The following XPR1 variants were observed in gnomAD, a reference collection of about 807,000 sequenced individuals.
XPR1 encodes solute carrier family 53 member 1.
XPR1 carries 28 observed loss-of-function variants against 87.5 expected under a neutral mutation model. The observed-to-expected ratio is 0.32, with a 90% CI of 0.24 to 0.44. The LOEUF (loss-of-function observed/expected upper bound fraction) is 0.44, where lower values mean the gene tolerates loss of function less well. Ranked by LOEUF, XPR1 falls within the 20% of genes least tolerant of loss-of-function variation. The probability of loss-of-function intolerance (pLI) is 1.00; values close to 1 mark genes in which losing one functional copy is unlikely to be tolerated. For synonymous variants in XPR1, 300 were observed against 306.1 expected (o/e 0.98, Z 0.21); for missense variants, 559 against 862.3 (o/e 0.65, Z 4.41).
At chr1:180,748,172 G>A (rs1647343321) in intron 2 of XPR1, among the ~76,000 whole-genome samples, 1 of 151,990 alleles carries the variant, frequency 6.6e-6, no homozygotes, top group African/African-American at 2.4e-5. Flanking sequence ...TCTCTTGTCT[G>A]TGAAACATTT....
chr1:180,865,004 T>C (rs1460023133), intron 12 of XPR1, among the ~76,000 whole-genome samples: 2 of 151,444 alleles, frequency 1.3e-5, no homozygotes, highest in African/African-American at 2.4e-5. Flanking sequence ...TTCTACTCTA[T>C]CAGCATGTCA....
At chr1:180,726,307 A>G (rs1242609110) in intron 2 of XPR1, among the ~76,000 whole-genome samples, 1 of 152,252 alleles carries the variant, frequency 6.6e-6, no homozygotes, top group Non-Finnish European at 1.5e-5. Context: ...CCCAGCCAGC[A>G]GCGCAACCTG....
intron 1 of XPR1, among the ~76,000 whole-genome samples, chr1:180,663,359 A>G (rs1204660961): frequency 2.0e-5 from 3 of 152,376 alleles, no homozygotes; most frequent in South Asian, 2.1e-4. Flanking sequence ...GGGTTCCCCA[A>G]GCCCAGTAAC....
intron 1 of XPR1, among the ~76,000 whole-genome samples, chr1:180,656,357 A>ATATATAATATTCATGTATT (rs1655470634): frequency 9.4e-6 from 1 of 106,074 alleles, no homozygotes; most frequent in Non-Finnish European, 1.8e-5. Context: ...TTTAATATTT[A>ATATATAATATTCATGTATT]TATATATAAT....
intron 11 of XPR1, among the ~76,000 whole-genome samples, chr1:180,844,670 T>C (rs1246408369): frequency 1.3e-5 from 2 of 152,240 alleles, no homozygotes; most frequent in African/African-American, 4.8e-5. Context: ...TGGACTAGGC[T>C]GGGCTCGGCT....
At position 180,790,675 on chromosome 1, in the gene XPR1, G is replaced by A. The variant is rs1319316712; in HGVS notation, c.223+2821G>A. ...CTGCCTCAGCCTCCCGAGTAGCTGGGACTACAGGCACCCACCACCATGCCC... is the reference window on the plus strand; with the variant it reads ...CTGCCTCAGCCTCCCGAGTAGCTGGAACTACAGGCACCCACCACCATGCCC... On this transcript the variant is annotated intron_variant, in intron 3 of 14. Transcript: ENST00000367590. 2.0e-5 allele frequency among the ~76,000 whole-genome samples: 3 copies of A among 152,090 alleles called. No homozygotes were observed. In the South Asian group the frequency reaches 6.2e-4, roughly 32 times the overall value.
Position 180,800,612 on chromosome 1 carries a change from A to G in XPR1, c.224-2776A>G, listed in dbSNP as rs1005219451. Among the ~76,000 whole-genome samples the G allele has an allele frequency of 2.0e-5, 3 of 152,236 alleles. No homozygotes were observed. In the East Asian group the frequency reaches 5.8e-4, roughly 29 times the overall value. ...AACCTACAAAACGGTGAGCTAATAAATGGGGTTTCTTTAAGGCACTATGTG... is the reference window on the plus strand; with the variant it reads ...AACCTACAAAACGGTGAGCTAATAAGTGGGGTTTCTTTAAGGCACTATGTG... On this transcript the variant is annotated intron_variant, in intron 3 of 14. Coordinates refer to ENST00000367590, the MANE Select transcript of XPR1 (RefSeq NM_004736.4).
chr1:180,716,264 T>A (rs1657991628), intron 2 of XPR1, among the ~76,000 whole-genome samples: 1 of 151,950 alleles, frequency 6.6e-6, no homozygotes, highest in Non-Finnish European at 1.5e-5. Context: ...GTTTTTTTTT[T>A]CTTTTTGTAG....
chr1:180,738,565 A>C (rs1275909164), intron 2 of XPR1, among the ~76,000 whole-genome samples: 1 of 152,220 alleles, frequency 6.6e-6, no homozygotes, highest in Non-Finnish European at 1.5e-5. Context: ...TAGTGGTTTT[A>C]GTATATTCAG....
chr1:180,652,563 G>T (rs1035305941), intron 1 of XPR1, among the ~76,000 whole-genome samples: 1 of 152,134 alleles, frequency 6.6e-6, no homozygotes, highest in Admixed American at 6.6e-5. Flanking sequence ...TACAGTGTTG[G>T]TAGCTTTGAC....
rs376385021 is a variant in XPR1 at position 180,886,931 on chromosome 1, T to A, written c.*2865T>A. ...GCTCACGTCTGTAATCCCAGCACTT[T>A]GGGAGGCCAAGGTGGGCAGATCACG... On this transcript the variant is annotated 3_prime_UTR_variant, in exon 15 of 15. Coordinates refer to ENST00000367590, the MANE Select transcript of XPR1 (RefSeq NM_004736.4). 2.0e-5 allele frequency: 3 copies of A among 152,344 alleles called. No individual in the cohort carries two copies. The highest frequency in any genetic ancestry group is 6.5e-5 in the Admixed American group (1 of 15,286). The allele number at this position is 152,344 out of a possible 1,614,324, so 9.4% of individuals were successfully genotyped here. A position where few individuals can be genotyped will look rare whatever the true frequency, so the allele number is the denominator to read the frequency against.
intron 7 of XPR1, among the ~76,000 whole-genome samples, chr1:180,820,970 C>T (rs1650606421): frequency 1.3e-5 from 2 of 150,908 alleles, no homozygotes; most frequent in South Asian, 4.2e-4. Context: ...GATACTAGAC[C>T]CTTATATTAG....
At chr1:180,759,783 G>A (rs1242326001) in intron 2 of XPR1, among the ~76,000 whole-genome samples, 1 of 152,082 alleles carries the variant, frequency 6.6e-6, no homozygotes, top group African/African-American at 2.4e-5. Flanking sequence ...GCATCATCCT[G>A]ATACCAAAGC....
chr1:180,718,291 A>G (rs1658064700), intron 2 of XPR1, among the ~76,000 whole-genome samples: 2 of 152,206 alleles, frequency 1.3e-5, no homozygotes, highest in African/African-American at 4.8e-5. Flanking sequence ...AAAGTTTAAC[A>G]TAGAGTACTT....
chr1:180,713,691 T>C (rs1026895918), intron 2 of XPR1, among the ~76,000 whole-genome samples: 2 of 152,236 alleles, frequency 1.3e-5, no homozygotes, highest in African/African-American at 4.8e-5. Flanking sequence ...GATTTTCACA[T>C]GTTAAATTGA....
intron 2 of XPR1, among the ~76,000 whole-genome samples, chr1:180,778,610 A>G (rs1648811883): frequency 6.6e-6 from 1 of 152,070 alleles, no homozygotes; most frequent in African/African-American, 2.4e-5. Flanking sequence ...TAACACTAAC[A>G]TACTCGTGGT....
At chr1:180,712,050 T>G (rs944123968) in intron 2 of XPR1, among the ~76,000 whole-genome samples, 8 of 152,152 alleles carry the variant, frequency 5.3e-5, no homozygotes, top group African/African-American at 1.9e-4. Context: ...TGCCTAAAAC[T>G]GTGGATGGTA....
intron 2 of XPR1, among the ~76,000 whole-genome samples, chr1:180,687,636 GCT>G (rs1360534292): frequency 3.3e-5 from 5 of 152,006 alleles, no homozygotes; most frequent in African/African-American, 9.7e-5. Flanking sequence ...ACTTTAATTT[GCT>G]CTCTGTTACT....
intron 2 of XPR1, among the ~76,000 whole-genome samples, chr1:180,719,159 A>AATGTATATAT (rs1658095935): frequency 6.6e-6 from 1 of 152,378 alleles, no homozygotes; most frequent in African/African-American, 2.4e-5. Context: ...ATATATAAAT[A>AATGTATATAT]CCAAGGAAAT....
Sources: gnomAD v4.1 joint callset for allele counts (sites outside exome capture counted in the v4.1 genomes callset) on GRCh38, gnomAD v4.1.1 for gene constraint, MANE v1.5 for transcripts, NCBI Gene and HGNC (gene_info 2026-07-23, HGNC 2026-07-21) for gene names.